Variants in PPM1L observed in about 807,000 individuals in gnomAD.
PPM1L encodes the protein protein phosphatase 1L.
PPM1L carries 13 observed loss-of-function variants against 31.4 expected under a neutral mutation model. The ratio of observed to expected loss-of-function variants is 0.41; its 90% CI spans 0.27 to 0.66. The LOEUF (loss-of-function observed/expected upper bound fraction) is 0.66. PPM1L is among the 30% of genes least tolerant of loss of function. The probability of loss-of-function intolerance (pLI) is 0.29; values close to 1 mark genes in which losing one functional copy is unlikely to be tolerated. For missense variants in PPM1L, 326 were observed against 453.7 expected (o/e 0.72, Z 2.56); for synonymous variants, 184 against 175.4 (o/e 1.05, Z -0.39).
At chr3:160,781,193 G>T (rs1711739099) in intron 1 of PPM1L, among the ~76,000 whole-genome samples, 1 of 152,126 alleles carries the variant, frequency 6.6e-6, no homozygotes, top group South Asian at 2.1e-4. Flanking sequence ...TATTTTTTAG[G>T]AAAAGAATGG....
chr3:160,759,809 A>C (rs531345791), intron 1 of PPM1L, among the ~76,000 whole-genome samples: 1 of 152,286 alleles, frequency 6.6e-6, no homozygotes, highest in South Asian at 2.1e-4. Flanking sequence ...CTGGCTTTGA[A>C]TCTGTGCTCT....
chr3:161,063,405 AG>A (rs1719630870), intron 2 of PPM1L, among the ~76,000 whole-genome samples: 1 of 152,324 alleles, frequency 6.6e-6, no homozygotes, highest in Non-Finnish European at 1.5e-5. Context: ...TATCTGATCA[AG>A]GCATTTTTAG....
At chr3:160,984,191 A>T (rs1310735639) in intron 2 of PPM1L, among the ~76,000 whole-genome samples, 1 of 152,212 alleles carries the variant, frequency 6.6e-6, no homozygotes, top group African/African-American at 2.4e-5. Flanking sequence ...ACATCTGCAT[A>T]AAGGCAGACA....
At chr3:160,757,885 A>T (rs545262560) in intron 1 of PPM1L, among the ~76,000 whole-genome samples, 1 of 152,014 alleles carries the variant, frequency 6.6e-6, no homozygotes, top group Non-Finnish European at 1.5e-5. Context: ...ATTCTTTTTC[A>T]AGCATTTGCT....
intron 1 of PPM1L, among the ~76,000 whole-genome samples, chr3:160,898,700 C>G (rs1713430204): frequency 1.3e-5 from 2 of 152,160 alleles, no homozygotes; most frequent in Admixed American, 1.3e-4. Flanking sequence ...AGTTCTAATT[C>G]AATTCAGCAG....
intron 3 of PPM1L, among the ~76,000 whole-genome samples, chr3:161,067,131 AG>A (rs1332735239): frequency 3.3e-5 from 5 of 152,206 alleles, no homozygotes; most frequent in African/African-American, 1.2e-4. Flanking sequence ...GCATCAGGCA[AG>A]GATGTGTACA....
At chr3:161,046,307 A>G (rs1719067414) in intron 2 of PPM1L, among the ~76,000 whole-genome samples, 1 of 152,078 alleles carries the variant, frequency 6.6e-6, no homozygotes. Context: ...AATACTATAA[A>G]CACCTCTATG....
intron 2 of PPM1L, among the ~76,000 whole-genome samples, chr3:161,019,499 C>A (rs988910177): frequency 3.3e-5 from 5 of 152,132 alleles, no homozygotes; most frequent in African/African-American, 1.2e-4. Flanking sequence ...TGTCTGGCCA[C>A]CAATTCTTTT....
intron 1 of PPM1L, among the ~76,000 whole-genome samples, chr3:160,773,472 A>C (rs550694821): frequency 1.4e-4 from 22 of 152,184 alleles, no homozygotes; most frequent in Non-Finnish European, 7.3e-5. Flanking sequence ...AGAAATAAGT[A>C]TGGAGAGAGG....
At chr3:160,943,321 T>G (rs1052019467) in intron 1 of PPM1L, among the ~76,000 whole-genome samples, 2 of 152,194 alleles carry the variant, frequency 1.3e-5, no homozygotes, top group Admixed American at 6.5e-5. Flanking sequence ...AGAAGTATGT[T>G]TTTTCATTTT....
chr3:160,880,653 C>A (rs1006291640), intron 1 of PPM1L, among the ~76,000 whole-genome samples: 1 of 151,924 alleles, frequency 6.6e-6, no homozygotes, highest in Non-Finnish European at 1.5e-5. Context: ...GTCAAGGAAT[C>A]CTTACTTAAA....
chr3:161,021,263 C>T (rs1718228166), intron 2 of PPM1L, among the ~76,000 whole-genome samples: 1 of 151,758 alleles, frequency 6.6e-6, no homozygotes, highest in Non-Finnish European at 1.5e-5. Flanking sequence ...TTCTAATTTC[C>T]CTTGTGATTT....
At chr3:160,992,277 G>T (rs945660665) in intron 2 of PPM1L, among the ~76,000 whole-genome samples, 2 of 152,190 alleles carry the variant, frequency 1.3e-5, no homozygotes, top group Non-Finnish European at 2.9e-5. Context: ...GATAATAGTT[G>T]AGAAAATTGG....
chr3:160,813,669 A>T (rs574081036), intron 1 of PPM1L, among the ~76,000 whole-genome samples: 31 of 152,300 alleles, frequency 2.0e-4, no homozygotes, highest in Non-Finnish European at 3.2e-4. Flanking sequence ...GATAAAATTT[A>T]AAAAAATTAG....
intron 3 of PPM1L, among the ~76,000 whole-genome samples, chr3:161,068,113 G>A (rs1315432751): frequency 1.3e-5 from 2 of 152,156 alleles, no homozygotes; most frequent in African/African-American, 2.4e-5. Flanking sequence ...CAATTGTTAA[G>A]TGCATATTAT....
At chr3:160,834,113 T>C (rs1057388541) in intron 1 of PPM1L, among the ~76,000 whole-genome samples, 1 of 148,938 alleles carries the variant, frequency 6.7e-6, no homozygotes, top group African/African-American at 2.5e-5. Flanking sequence ...AAGCTCCGCC[T>C]CCTGGGTTCA....
chr3:160,915,626 AG>A (rs1714142483), intron 1 of PPM1L, among the ~76,000 whole-genome samples: 1 of 152,230 alleles, frequency 6.6e-6, no homozygotes, highest in Admixed American at 6.5e-5. Context: ...AAAAGAACAA[AG>A]CTGGGGGCAT....
At chr3:160,807,381 T>C (rs905406799) in intron 1 of PPM1L, among the ~76,000 whole-genome samples, 12 of 152,248 alleles carry the variant, frequency 7.9e-5, no homozygotes, top group Non-Finnish European at 1.6e-4. Flanking sequence ...TAGTTTATAT[T>C]GTATAGCCAT....
intron 1 of PPM1L, among the ~76,000 whole-genome samples, chr3:160,829,219 A>G (rs1042283268): frequency 6.6e-6 from 1 of 150,902 alleles, no homozygotes; most frequent in African/African-American, 2.5e-5. Context: ...TTGTTTAGCA[A>G]AACTCCACCC....
Sources: gnomAD v4.1 joint callset for allele counts (sites outside exome capture counted in the v4.1 genomes callset) on GRCh38, gnomAD v4.1.1 for gene constraint, MANE v1.5 for transcripts, NCBI Gene and HGNC (gene_info 2026-07-23, HGNC 2026-07-21) for gene names.